Variants in RANBP17 observed in about 807,000 individuals in gnomAD.
The protein encoded by RANBP17 is ran-binding protein 17.
Under a neutral mutation model 141.2 loss-of-function variants are expected in RANBP17, and 158 were observed. The ratio of observed to expected loss-of-function variants is 1.12; its 90% CI spans 0.98 to 1.28. RANBP17 has a LOEUF of 1.28. Among genes scored for constraint, RANBP17 ranks in the 50% most tolerant of loss-of-function variants. The pLI, the probability that RANBP17 is intolerant of heterozygous loss-of-function variation, is 0.00. For synonymous variants in RANBP17, 430 were observed against 450.0 expected (o/e 0.96, Z 0.56); for missense variants, 1,438 against 1,290.7 (o/e 1.11, Z -1.75).
chr5:171,165,335 C>T (rs781567550), intron 14 of RANBP17, among the ~76,000 whole-genome samples: 3 of 152,058 alleles, frequency 2.0e-5, no homozygotes, highest in Non-Finnish European at 2.9e-5. Flanking sequence ...GTACACGCCA[C>T]GACGCTCGGC....
At chr5:171,083,071 TTTC>T (rs1490655405) in intron 14 of RANBP17, among the ~76,000 whole-genome samples, 1 of 152,194 alleles carries the variant, frequency 6.6e-6, no homozygotes, top group African/African-American at 2.4e-5. Context: ...TTCATTTTCT[TTTC>T]TTGTTTGACT....
chr5:171,241,881 G>A (rs374094517), intron 23 of RANBP17, among the ~76,000 whole-genome samples: 1 of 152,178 alleles, frequency 6.6e-6, no homozygotes, highest in Non-Finnish European at 1.5e-5. Flanking sequence ...GTCATTTAGC[G>A]AGTCTGAAGT....
chr5:171,044,462 C>T (rs886177466), intron 14 of RANBP17, among the ~76,000 whole-genome samples: 3 of 151,834 alleles, frequency 2.0e-5, no homozygotes, highest in Non-Finnish European at 4.4e-5. Context: ...GTAATAATAA[C>T]ATTTTTTCAA....
At chr5:171,066,758 A>G (rs1301180853) in intron 14 of RANBP17, among the ~76,000 whole-genome samples, 4 of 152,160 alleles carry the variant, frequency 2.6e-5, no homozygotes, top group Non-Finnish European at 5.9e-5. Flanking sequence ...TGTTTTCCAT[A>G]ATGGCTGTAC....
intron 14 of RANBP17, among the ~76,000 whole-genome samples, chr5:171,052,068 T>C (rs1782988209): frequency 6.6e-6 from 1 of 152,216 alleles, no homozygotes; most frequent in African/African-American, 2.4e-5. Context: ...ATCTGGATTT[T>C]TAAATCCTTT....
intron 14 of RANBP17, among the ~76,000 whole-genome samples, chr5:170,981,477 G>A (rs1484862271): frequency 1.3e-5 from 2 of 152,014 alleles, no homozygotes; most frequent in Admixed American, 1.3e-4. Flanking sequence ...GAGGGAAGCA[G>A]GTCTTTCCCC....
Position 171,277,627 on chromosome 5 carries a change from AT to A in RANBP17, c.2943+11781del, listed in dbSNP as rs1158239362. On this transcript the variant is annotated intron_variant, in intron 25 of 27. Coordinates refer to ENST00000523189, the MANE Select transcript of RANBP17 (RefSeq NM_022897.5). The stretch of plus-strand genomic sequence containing the variant: ...TGTGTGCTAAGTGCCTTACGTATAC[AT>A]ATATGTATGTATATATATATATATA... Among the ~76,000 whole-genome samples the A allele has an allele frequency of 3.7e-5, 4 of 106,852 alleles. No individual in the cohort carries two copies. The East Asian group carries it at 1.1e-3, about 29-fold the overall frequency. The allele number at this position is 106,852 out of a possible 152,430, so 70.1% of individuals were successfully genotyped here.
chr5:171,168,093 C>G (rs1759828889), intron 14 of RANBP17, among the ~76,000 whole-genome samples: 1 of 152,094 alleles, frequency 6.6e-6, no homozygotes, highest in Non-Finnish European at 1.5e-5. Context: ...AGTAGGGACA[C>G]AAAGAATAAG....
chr5:170,907,789 G>GA (rs534939235), intron 5 of RANBP17, among the ~76,000 whole-genome samples: 2 of 151,776 alleles, frequency 1.3e-5, no homozygotes, highest in African/African-American at 4.8e-5. Flanking sequence ...TTGTATTAAG[G>GA]AAAAAATATT....
At chr5:171,137,167 A>G (rs1008442124) in intron 14 of RANBP17, among the ~76,000 whole-genome samples, 2 of 152,130 alleles carry the variant, frequency 1.3e-5, no homozygotes, top group Admixed American at 1.3e-4. Context: ...CTTAATATAT[A>G]TTTTTCCACA....
intron 22 of RANBP17, 149 bp from the exon 23 acceptor site, chr5:171,240,779 T>C (rs1764824318): frequency 1.8e-6 from 1 of 557,208 alleles, no homozygotes; most frequent in African/African-American, 1.9e-5. Context: ...GTATTTATAT[T>C]TTTTATTACA....
At chr5:171,100,237 G>C (rs1388502549) in intron 14 of RANBP17, among the ~76,000 whole-genome samples, 1 of 152,028 alleles carries the variant, frequency 6.6e-6, no homozygotes, top group Non-Finnish European at 1.5e-5. Flanking sequence ...CTGGTCCTGG[G>C]CTTTTTTTGG....
In RANBP17 at chr5:170,919,081, T is replaced by C. The variant is rs113419029; in HGVS notation, c.1101+222T>C. On this transcript the variant is annotated intron_variant, in intron 10 of 27. Transcript: ENST00000523189. ...TGAATAATGGCTTGAGAAACTATAA[T>C]AAAATCTATGTGAAGAAATAAAATT... is the stretch of plus-strand genomic sequence containing the variant. Among the ~76,000 whole-genome samples the C allele has an allele frequency of 7.8e-3, 1,184 of 152,058 alleles. 14 individuals are homozygous for C. The highest frequency in any genetic ancestry group is 0.023 in the African/African-American group (949 of 41,540).
intron 11 of RANBP17, among the ~76,000 whole-genome samples, chr5:170,923,694 G>A (rs927332688): frequency 2.0e-5 from 3 of 151,988 alleles, no homozygotes; most frequent in African/African-American, 7.2e-5. Flanking sequence ...ATGGTATTTA[G>A]CCTTCAGATC....
intron 18 of RANBP17, among the ~76,000 whole-genome samples, chr5:171,195,504 T>C (rs1173967806): frequency 6.6e-6 from 1 of 152,250 alleles, no homozygotes; most frequent in Non-Finnish European, 1.5e-5. Context: ...AACATTTCTA[T>C]AGTATAATGC....
chr5:171,102,491 C>G (rs142663136), intron 14 of RANBP17, among the ~76,000 whole-genome samples: 1 of 152,016 alleles, frequency 6.6e-6, no homozygotes, highest in Non-Finnish European at 1.5e-5. Flanking sequence ...TTAGCAATTC[C>G]TCTAACCTTT....
intron 13 of RANBP17, among the ~76,000 whole-genome samples, chr5:170,955,526 CTG>C (rs1279759178): frequency 1.7e-5 from 2 of 116,354 alleles, no homozygotes; most frequent in East Asian, 2.5e-4. Context: ...TATGCTCAGT[CTG>C]TGTATATATA....
At chr5:170,866,920 G>GT (rs1442257807) in intron 1 of RANBP17, 3 of 152,260 alleles carry the variant, frequency 2.0e-5, no homozygotes, top group African/African-American at 7.2e-5. Flanking sequence ...GTTCTGGGCT[G>GT]TATTGTAGTG....
In RANBP17 at chr5:171,289,443, G is replaced by A. The variant is rs528117197; in HGVS notation, c.2944-4440G>A. Among the ~76,000 whole-genome samples the A allele has an allele frequency of 3.3e-5, 5 of 152,292 alleles. No individual in the cohort carries two copies. The East Asian group carries it at 5.8e-4, about 18-fold the overall frequency. ...TATTTCAGCAGGAGACAGAACAGAC[G>A]GGGTTTAAATTGGGCATTTCGGCCA... On this transcript the variant is annotated intron_variant, in intron 25 of 27. Transcript: ENST00000523189.
Sources: gnomAD v4.1 joint callset for allele counts (sites outside exome capture counted in the v4.1 genomes callset) on GRCh38, gnomAD v4.1.1 for gene constraint, MANE v1.5 for transcripts, NCBI Gene and HGNC (gene_info 2026-07-23, HGNC 2026-07-21) for gene names.